SLF1: variants seen among roughly 807,000 people sequenced by gnomAD.
SLF1 encodes the protein SMC5/6 complex localization factor 1.
Under a neutral mutation model 123.0 loss-of-function variants are expected in SLF1, and 105 were observed. The ratio of observed to expected loss-of-function variants is 0.85; its 90% confidence interval spans 0.73 to 1.00. The LOEUF (loss-of-function observed/expected upper bound fraction) is 1.00. SLF1 is among the 50% of genes least tolerant of loss of function. The pLI is 0.00. For missense variants in SLF1, 1,239 were observed against 1,223.0 expected, an observed-to-expected ratio of 1.01 and a Z score of -0.20; for synonymous variants, 434 against 406.6, an observed-to-expected ratio of 1.07 and a Z score of -0.81.
At chr5:94,630,180 C>G (rs1745049764) in intron 3 of SLF1, among the ~76,000 whole-genome samples, 1 of 151,766 alleles carries the variant, frequency 6.6e-6, no homozygotes, top group Non-Finnish European at 1.5e-5. Flanking sequence ...GATTTTAAAG[C>G]TTTAGATTTA....
chr5:94,630,477 T>G (rs1017592383), intron 3 of SLF1, 26 bp from the exon 4 acceptor site: 2 of 1,532,144 alleles, frequency 1.3e-6, no homozygotes, highest in African/African-American at 2.8e-5. Context: ...AATTCCTTTG[T>G]GACTGACAGC....
intron 1 of SLF1, among the ~76,000 whole-genome samples, chr5:94,620,535 A>G: frequency 6.6e-6 from 1 of 152,220 alleles, no homozygotes; most frequent in East Asian, 1.9e-4. Flanking sequence ...ATTTATTAGT[A>G]CTTTCCTTAT....
chr5:94,686,397 T>A (rs1254378301), intron 15 of SLF1, among the ~76,000 whole-genome samples, 176 bp from the exon 16 acceptor site: 2 of 152,204 alleles, frequency 1.3e-5, no homozygotes, highest in Admixed American at 6.5e-5. Context: ...ATATTTTCTC[T>A]TAAAAGTCAA....
At chr5:94,689,407 A>G (rs1162438657) in intron 17 of SLF1, 66 bp from the exon 18 acceptor site, 51 of 1,502,064 alleles carry the variant, frequency 3.4e-5, no homozygotes, top group Non-Finnish European at 4.0e-5. Context: ...AAAAAATACC[A>G]TCTAATGTAT....
chr5:94,639,864 G>T (rs1746248464), intron 4 of SLF1, among the ~76,000 whole-genome samples: 1 of 152,174 alleles, frequency 6.6e-6, no homozygotes, highest in Non-Finnish European at 1.5e-5. Context: ...GGAAGGGGAG[G>T]CAGGAGAGGC....
chr5:94,649,734 G>A, intron 6 of SLF1, 137 bp downstream of exon 6: 1 of 777,278 alleles, frequency 1.3e-6, no homozygotes, highest in Non-Finnish European at 1.9e-6. Flanking sequence ...TCTGTGACTT[G>A]AACATGTTAG....
chr5:94,643,989 T>C (rs1746729158), intron 5 of SLF1, among the ~76,000 whole-genome samples: 4 of 152,168 alleles, frequency 2.6e-5, no homozygotes, highest in Admixed American at 2.6e-4. Context: ...ATCTCGTAGA[T>C]ACCATTATGT....
At chr5:94,652,683 A>G (rs1461147677) in intron 7 of SLF1, among the ~76,000 whole-genome samples, 1 of 152,192 alleles carries the variant, frequency 6.6e-6, no homozygotes, top group East Asian at 1.9e-4. Context: ...CTTGGGATAC[A>G]TATTTAGTAA....
intron 16 of SLF1, among the ~76,000 whole-genome samples, chr5:94,687,350 C>G (rs1041603320): frequency 1.3e-5 from 2 of 152,130 alleles, no homozygotes; most frequent in Non-Finnish European, 2.9e-5. Context: ...CCATCCTGGA[C>G]AACATAGTGA....
chr5:94,674,854 T>A (rs922573486), intron 14 of SLF1, among the ~76,000 whole-genome samples: 6 of 152,252 alleles, frequency 3.9e-5, no homozygotes, highest in Admixed American at 2.6e-4. Flanking sequence ...CTTTGAGATG[T>A]TCTTAAGTGC....
At chr5:94,633,133 A>G (rs1473032051) in intron 4 of SLF1, among the ~76,000 whole-genome samples, 3 of 152,192 alleles carry the variant, frequency 2.0e-5, no homozygotes, top group Admixed American at 6.5e-5. Context: ...GACCACAGGC[A>G]TATGCCATCA....
intron 9 of SLF1, among the ~76,000 whole-genome samples, chr5:94,657,678 C>G (rs898845697): frequency 6.6e-5 from 10 of 151,866 alleles, no homozygotes; most frequent in Non-Finnish European, 1.5e-4. Flanking sequence ...TCTCTGTCTC[C>G]CTCTAGATCT....
intron 9 of SLF1, among the ~76,000 whole-genome samples, chr5:94,658,694 G>A (rs957264195): frequency 2.6e-5 from 4 of 152,174 alleles, no homozygotes; most frequent in South Asian, 4.1e-4. Context: ...CACTTGGGAC[G>A]TTTTCAGCTA....
At chr5:94,689,726 GA>G in intron 18 of SLF1, 120 bp downstream of exon 18, 2 of 836,306 alleles carry the variant, frequency 2.4e-6, no homozygotes, top group East Asian at 5.3e-5. Context: ...CTAGGTCCAG[GA>G]AGTACCTTCT....
chr5:94,695,244 G>A lies in SLF1; in HGVS notation c.3109G>A (p.Gly1037Arg). Residue 1037 changes from glycine to arginine, a missense_variant, in exon 21 of 21, where the codon GGG becomes AGG. Transcript: ENST00000265140. ...GCCTGAGAATTTGAAAGTGTGTCCT[G>A]GGGTACACACTGAGGCCTTGATGAT... ...ELPENLKVCP[G>R]VHTEALMITL... is the part of the protein sequence containing the mutation. The A allele has an allele frequency of 6.2e-7, 1 of 1,612,118 alleles. No individual in the cohort carries two copies. The highest frequency in any genetic ancestry group is 2.2e-5 in the East Asian group (1 of 44,824).
chr5:94,621,232 A>G (rs17328275), intron 1 of SLF1, among the ~76,000 whole-genome samples: 10,461 of 152,234 alleles, frequency 0.069, 499 homozygotes, highest in South Asian at 0.2. Context: ...CTGCAATTTA[A>G]TTCACCTTGG....
At chr5:94,686,766 CACAAACTCA>C (rs1171593190) in intron 16 of SLF1, 48 bp downstream of exon 16, 1 of 1,528,788 alleles carries the variant, frequency 6.5e-7, no homozygotes, top group Non-Finnish European at 8.8e-7. Flanking sequence ...GAAGTGAGTT[CACAAACTCA>C]ATTTTATTTA....
chr5:94,640,927 G>A (rs1254285019), intron 4 of SLF1, among the ~76,000 whole-genome samples: 1 of 152,064 alleles, frequency 6.6e-6, no homozygotes, highest in African/African-American at 2.4e-5. Flanking sequence ...TTCAACATGT[G>A]GGTCATATTT....
At chr5:94,669,787 G>A (rs1171217700) in intron 12 of SLF1, among the ~76,000 whole-genome samples, 2 of 151,948 alleles carry the variant, frequency 1.3e-5, no homozygotes, top group East Asian at 1.9e-4. Context: ...GGATTCTGGC[G>A]AGTATTATAA....
Sources: allele counts gnomAD v4.1 joint callset (sites outside exome capture counted in the v4.1 genomes callset), GRCh38; gene constraint gnomAD v4.1.1; transcripts MANE v1.5; gene names NCBI Gene and HGNC (gene_info 2026-07-23, HGNC 2026-07-21).